ACVR2B: variants seen among roughly 807,000 people sequenced by gnomAD.
ACVR2B encodes the protein activin receptor type-2B.
In ACVR2B, 18 loss-of-function variants were observed where a neutral mutation model predicts 65.1. The observed-to-expected ratio is 0.28, with a 90% confidence interval of 0.19 to 0.41. The LOEUF is 0.41. ACVR2B is among the 10% of genes least tolerant of loss of function. The probability of loss-of-function intolerance (pLI) is 1.00; values close to 1 mark genes in which losing one functional copy is unlikely to be tolerated. For synonymous variants in ACVR2B, 298 were observed against 277.7 expected (o/e 1.07, Z -0.73); for missense variants, 482 against 682.7 (o/e 0.71, Z 3.28).
chr3:38,483,214 T>C lies in ACVR2B; in HGVS notation c.1421T>C (p.Val474Ala), dbSNP rs930007452. ...GAGGCTCGCTTGTCCGCGGGCTGTG[T>C]GGAGGAGCGGGTGTCCCTGATTCGG... ...DAEARLSAGC[V>A]EERVSLIRRS... The change falls in exon 11 of 11, where the codon GTG (valine) becomes GCG (alanine). Residue 474 changes from valine to alanine, a missense_variant. By Grantham distance (64) the Val-to-Ala change is moderately conservative. This residue lies in a region of ACVR2B where 223 missense variants were observed against 386.3 expected (regional missense o/e 0.58). Coordinates refer to ENST00000352511, the MANE Select transcript of ACVR2B (RefSeq NM_001106.4). The surrounding 1 kb of genome is among the most constrained non-coding windows in gnomAD (Gnocchi z 4.8). 2 of 1,614,022 alleles carry C rather than the reference T, an allele frequency of 1.2e-6. No homozygotes were observed. Among genetic ancestry groups the C allele is most frequent in the Non-Finnish European group, 1.7e-6 (2 of 1,180,034 alleles).
chr3:38,482,941 A>G (rs1710044197), intron 10 of ACVR2B, among the ~76,000 whole-genome samples, 197 bp from the exon 11 acceptor site: 1 of 152,172 alleles, frequency 6.6e-6, no homozygotes, highest in Non-Finnish European at 1.5e-5. Flanking sequence ...GTAAGCTCAG[A>G]AAGATGACTG....
At chr3:38,476,501 T>G (rs13079145) in intron 1 of ACVR2B, 65,096 of 152,330 alleles carry the variant, frequency 0.43, 16,283 homozygotes, top group Non-Finnish European at 0.57. Flanking sequence ...ATTCCTTAAG[T>G]TCTCCAGCCC....
At chr3:38,462,407 C>T (rs1472464634) in intron 1 of ACVR2B, among the ~76,000 whole-genome samples, 1 of 152,152 alleles carries the variant, frequency 6.6e-6, no homozygotes, top group Non-Finnish European at 1.5e-5. Context: ...TTCCAGCCCC[C>T]CATCCCCAGC....
chr3:38,478,250 C>T lies in ACVR2B; in HGVS notation c.480C>T (p.Tyr160=). 1 of 1,614,110 alleles carries T rather than the reference C, an allele frequency of 6.2e-7. No individual in the cohort carries two copies. The highest frequency in any genetic ancestry group is 8.5e-7 in the Non-Finnish European group (1 of 1,179,996). Residue 160 remains tyrosine, a synonymous_variant, in exon 4 of 11, where the codon TAC becomes TAT. Transcript: ENST00000352511. ...SLIVLLAFWM[Y]RHRKPPYGHV... The stretch of plus-strand genomic sequence containing the variant: ...TCGTCCTGCTGGCCTTTTGGATGTA[C>T]CGGCATCGCAAGCCCCCCTACGGTC...
chr3:38,479,899 G>T, intron 7 of ACVR2B, 73 bp downstream of exon 7: 1 of 1,545,290 alleles, frequency 6.5e-7, no homozygotes, highest in Non-Finnish European at 8.8e-7. Context: ...CGAGAGCAGT[G>T]TCTGGAGATG....
chr3:38,457,168 C>T (rs1709563907), intron 1 of ACVR2B, among the ~76,000 whole-genome samples: 1 of 152,064 alleles, frequency 6.6e-6, no homozygotes, highest in Non-Finnish European at 1.5e-5. Context: ...CATGTCACTG[C>T]ACTGCAGCCT....
chr3:38,476,590 G>A (rs1575586734), intron 1 of ACVR2B: 1 of 155,552 alleles, frequency 6.4e-6, no homozygotes, highest in South Asian at 2.0e-4. Context: ...GCAGGGAGTT[G>A]TGGAGGACCC....
chr3:38,470,688 G>A (rs1477306243), intron 1 of ACVR2B, among the ~76,000 whole-genome samples: 2 of 152,114 alleles, frequency 1.3e-5, no homozygotes, highest in African/African-American at 2.4e-5. Context: ...CGGAACACAA[G>A]CAATATGTTA....
Position 38,454,242 on chromosome 3 carries a change from C to T in ACVR2B, c.-81C>T. On this transcript the variant is annotated 5_prime_UTR_variant, in exon 1 of 11. Coordinates refer to ENST00000352511, the MANE Select transcript of ACVR2B (RefSeq NM_001106.4). ...AGGAGCGGGAAGGAGAGCGCAGCCG[C>T]CGCCTGGCCCTGCGCGCCCCGGGAG... 4 of 1,058,896 alleles carry T rather than the reference C, an allele frequency of 3.8e-6. No homozygotes were observed. Among genetic ancestry groups the T allele is most frequent in the Non-Finnish European group, 4.7e-6 (4 of 849,038 alleles). The allele number at this position is 1,058,896 out of a possible 1,614,324, so 65.6% of individuals were successfully genotyped here.
At chr3:38,468,064 G>C (rs1363913713) in intron 1 of ACVR2B, among the ~76,000 whole-genome samples, 1 of 152,114 alleles carries the variant, frequency 6.6e-6, no homozygotes, top group African/African-American at 2.4e-5. Flanking sequence ...ATTTTTGGAA[G>C]AGATGGGGTC....
intron 1 of ACVR2B, among the ~76,000 whole-genome samples, chr3:38,460,742 G>T (rs538880286): frequency 1.3e-3 from 199 of 152,374 alleles, no homozygotes; most frequent in Non-Finnish European, 1.2e-3. Flanking sequence ...CTGACCTGCT[G>T]GACAATGGGC....
Position 38,481,227 on chromosome 3 carries a change from C to A in ACVR2B, c.960-124C>A. 8 of 825,786 alleles carry A rather than the reference C, an allele frequency of 9.7e-6. No individual in the cohort carries two copies. The South Asian group carries it at 1.1e-4, about 11-fold the overall frequency. The allele number at this position is 825,786 out of a possible 1,614,324, so 51.2% of individuals were successfully genotyped here. A position where few individuals can be genotyped will look rare whatever the true frequency, so the allele number is the denominator to read the frequency against. ...GCTTGTGCTGCTTCACCTCTGCACC[C>A]CAGGTAGGGTGGGATGGCCTGGTCT... On this transcript the variant is annotated intron_variant, in intron 7 of 10. Transcript: ENST00000352511. This position sits in a 1 kb window ranked among gnomAD's most constrained non-coding sequence, Gnocchi z 4.7.
At position 38,454,176 on chromosome 3, in the gene ACVR2B, G is replaced by A; in HGVS notation, c.-147G>A. The A allele has an allele frequency of 2.0e-6, 1 of 506,652 alleles. No homozygotes were observed. The highest frequency in any genetic ancestry group is 2.7e-6 in the Non-Finnish European group (1 of 367,950). 31.4% of individuals were successfully genotyped at this position (506,652 alleles called of 1,614,324 possible). A position where few individuals can be genotyped will look rare whatever the true frequency, so the allele number is the denominator to read the frequency against. On this transcript the variant is annotated 5_prime_UTR_variant, in exon 1 of 11. Coordinates refer to ENST00000352511, the MANE Select transcript of ACVR2B (RefSeq NM_001106.4). ...CCTTGGAGCCCGAACGCTGCTCGGG[G>A]ACGAAGGCGCAGGAAGCGCGCAGGG... is the stretch of plus-strand genomic sequence containing the variant.
At chr3:38,462,920 A>G (rs1457014473) in intron 1 of ACVR2B, among the ~76,000 whole-genome samples, 1 of 152,154 alleles carries the variant, frequency 6.6e-6, no homozygotes, top group Admixed American at 6.5e-5. Context: ...GCTGGGTGAT[A>G]TGGCAGTTGG....
chr3:38,482,327 G>C lies in ACVR2B; in HGVS notation c.1204G>C (p.Ala402Pro), dbSNP rs1428047170. ...GTGGGAGCTTGTGTCTCGCTGCAAG[G>C]CTGCAGACGGTAAGTAGGATGGCAG... ...VLWELVSRCKAADGPVDEYML... is the reference protein window; with the variant it reads ...VLWELVSRCKPADGPVDEYML... Residue 402 changes from alanine (A) to proline (P), a missense_variant, in exon 9 of 11, where the codon GCT becomes CCT. Physicochemically the swap from Ala to Pro is conservative, Grantham distance 27. Coordinates refer to ENST00000352511, the MANE Select transcript of ACVR2B (RefSeq NM_001106.4). 6.2e-7 allele frequency: 1 copy of C among 1,611,650 alleles called. No individual in the cohort carries two copies.
chr3:38,463,115 C>T (rs576703993), intron 1 of ACVR2B, among the ~76,000 whole-genome samples: 2 of 152,278 alleles, frequency 1.3e-5, no homozygotes, highest in East Asian at 3.9e-4. Flanking sequence ...GTGTCTCCTA[C>T]CTTGTGCCTG....
At chr3:38,468,955 G>A (rs1709776388) in intron 1 of ACVR2B, among the ~76,000 whole-genome samples, 2 of 152,290 alleles carry the variant, frequency 1.3e-5, no homozygotes, top group South Asian at 4.1e-4. Context: ...CCTGGAAAAA[G>A]GCATGTATTT....
In ACVR2B at chr3:38,493,072, TAGG is replaced by T. The variant is rs2059825985; in HGVS notation, c.*9745_*9747del. On this transcript the variant is annotated 3_prime_UTR_variant, in exon 11 of 11. Transcript: ENST00000352511. ...TGAAGAAGCAGTTACACCCCAACAA[TAGG>T]AGGAAAAATCTAGAACTATTTCAAG... The T allele has an allele frequency of 6.6e-6, 1 of 152,582 alleles. No homozygotes were observed. Among genetic ancestry groups the T allele is most frequent in the Non-Finnish European group, 1.5e-5 (1 of 68,038 alleles). 9.5% of individuals were successfully genotyped at this position (152,582 alleles called of 1,614,324 possible).
At chr3:38,461,627 T>TG (rs1404356238) in intron 1 of ACVR2B, among the ~76,000 whole-genome samples, 1 of 152,240 alleles carries the variant, frequency 6.6e-6, no homozygotes, top group Admixed American at 6.5e-5. Flanking sequence ...CTCCCATCAC[T>TG]GAGAGGTTAG....
Sources: gnomAD v4.1 joint callset for allele counts (sites outside exome capture counted in the v4.1 genomes callset) on GRCh38, gnomAD v4.1.1 for gene constraint, gnomAD v4.1.1 regional missense constraint, Gnocchi (gnomAD v3.1) non-coding constraint, MANE v1.5 for transcripts, NCBI Gene and HGNC (gene_info 2026-07-23, HGNC 2026-07-21) for gene names.